Variants in DCC observed in about 807,000 individuals in gnomAD.
The protein encoded by DCC is DCC netrin 1 receptor.
In DCC, 58 loss-of-function variants were observed where a neutral mutation model predicts 172.5. The ratio of observed to expected loss-of-function variants is 0.34; its 90% CI spans 0.27 to 0.42. DCC has a LOEUF of 0.42. Among genes scored for constraint, DCC ranks in the 10% least tolerant of loss-of-function variants. DCC has a pLI of 1.00. For synonymous variants in DCC, 709 were observed against 644.5 expected (o/e 1.10, Z -1.52); for missense variants, 1,740 against 1,791.0 (o/e 0.97, Z 0.51).
chr18:52,678,029 G>A (rs188805911), intron 1 of DCC, among the ~76,000 whole-genome samples: 3 of 152,238 alleles, frequency 2.0e-5, no homozygotes, highest in African/African-American at 4.8e-5. Context: ...GTGGAAGTGG[G>A]TATAAACTAC....
At chr18:53,392,680 A>G (rs1419688597) in intron 17 of DCC, among the ~76,000 whole-genome samples, 1 of 152,242 alleles carries the variant, frequency 6.6e-6, no homozygotes, top group Non-Finnish European at 1.5e-5. Context: ...GAGAAGATCA[A>G]CAAGTAGTTG....
intron 4 of DCC, among the ~76,000 whole-genome samples, chr18:52,924,927 C>T (rs757144538): frequency 3.3e-5 from 5 of 151,892 alleles, no homozygotes; most frequent in Non-Finnish European, 7.4e-5. Context: ...CTCTAGACCT[C>T]GAGGTTCTCA....
chr18:52,971,293 T>A (rs1424605225), intron 5 of DCC, among the ~76,000 whole-genome samples: 2 of 152,086 alleles, frequency 1.3e-5, no homozygotes, highest in Non-Finnish European at 2.9e-5. Flanking sequence ...CTGCTACCAA[T>A]TGAACATTAT....
intron 13 of DCC, among the ~76,000 whole-genome samples, chr18:53,312,678 A>G (rs1023162300): frequency 5.4e-5 from 8 of 148,552 alleles, no homozygotes; most frequent in Middle Eastern, 3.5e-3. Context: ...GCGTCGTGGC[A>G]GGCGCCTGTA....
At chr18:53,446,664 A>G (rs1290798103) in intron 22 of DCC, among the ~76,000 whole-genome samples, 2 of 152,172 alleles carry the variant, frequency 1.3e-5, no homozygotes, top group Non-Finnish European at 2.9e-5. Flanking sequence ...CCCCAAATCA[A>G]TACTCACAGT....
intron 7 of DCC, among the ~76,000 whole-genome samples, chr18:53,098,728 C>A (rs995583485): frequency 1.5e-4 from 23 of 152,114 alleles, no homozygotes; most frequent in African/African-American, 5.6e-4. Flanking sequence ...TGTTTTCTGG[C>A]TGGGAACAGT....
chr18:52,728,637 A>C (rs2036589817), intron 1 of DCC, among the ~76,000 whole-genome samples: 2 of 152,172 alleles, frequency 1.3e-5, no homozygotes, highest in South Asian at 4.1e-4. Flanking sequence ...AGGTCATCTG[A>C]GTCTCTGGAT....
chr18:52,906,389 T>C, intron 3 of DCC, 61 bp downstream of exon 3: 1 of 1,551,842 alleles, frequency 6.4e-7, no homozygotes, highest in Non-Finnish European at 8.9e-7. Context: ...TGAAAAACAA[T>C]TTTTTTCTTT....
intron 2 of DCC, among the ~76,000 whole-genome samples, chr18:52,806,188 T>A (rs12967177): frequency 0.58 from 87,967 of 152,044 alleles, 28,958 homozygotes; most frequent in East Asian, 0.86. Context: ...TAGAGCAGTT[T>A]TTGGTTCACT....
intron 1 of DCC, among the ~76,000 whole-genome samples, chr18:52,469,020 A>G (rs1471108284): frequency 6.8e-6 from 1 of 146,252 alleles, no homozygotes; most frequent in East Asian, 2.0e-4. Flanking sequence ...CATCAGTGGA[A>G]AACAATTTTG....
intron 12 of DCC, among the ~76,000 whole-genome samples, chr18:53,262,923 A>G (rs570883371): frequency 1.3e-5 from 2 of 152,344 alleles, no homozygotes; most frequent in South Asian, 2.1e-4. Context: ...CATTAAAAAT[A>G]TTAGTGATTT....
intron 20 of DCC, among the ~76,000 whole-genome samples, chr18:53,412,327 T>A (rs1317247321): frequency 6.6e-6 from 1 of 152,184 alleles, no homozygotes; most frequent in Non-Finnish European, 1.5e-5. Flanking sequence ...TTTTTGATCA[T>A]TTAAAATTAC....
rs897019073 is a variant in DCC, at chr18:53,175,666, T to A, written c.1419-3296T>A. Among the ~76,000 whole-genome samples the A allele has an allele frequency of 4.6e-5, 7 of 151,980 alleles. No homozygotes were observed. In the South Asian group the frequency reaches 1.3e-3, roughly 27 times the overall value. ...AGGAGAACTACAAACCACTGCTCAA[T>A]GAAATCAAAGAGGATACAAACAAAT... On this transcript the variant is annotated intron_variant, in intron 8 of 28. Transcript: ENST00000442544.
intron 2 of DCC, among the ~76,000 whole-genome samples, chr18:52,788,359 C>A (rs184323195): frequency 3.9e-4 from 59 of 152,212 alleles, no homozygotes; most frequent in African/African-American, 1.4e-3. Context: ...AGGTGTGGAG[C>A]CTAGGAACCA....
intron 1 of DCC, among the ~76,000 whole-genome samples, chr18:52,652,451 T>G (rs1334094398): frequency 6.6e-6 from 1 of 152,180 alleles, no homozygotes; most frequent in Non-Finnish European, 1.5e-5. Context: ...GTCATTGGAA[T>G]TCCTTCAATA....
At chr18:53,320,492 TCC>T (rs2057398611) in intron 13 of DCC, among the ~76,000 whole-genome samples, 1 of 152,194 alleles carries the variant, frequency 6.6e-6, no homozygotes, top group African/African-American at 2.4e-5. Context: ...TTTTTTAATT[TCC>T]CAGAAAATCT....
intron 2 of DCC, among the ~76,000 whole-genome samples, chr18:52,856,499 A>G (rs1165983062): frequency 6.6e-6 from 1 of 151,636 alleles, no homozygotes; most frequent in Non-Finnish European, 1.5e-5. Context: ...GGTGGCGGGC[A>G]CCTGTAGTTC....
chr18:53,439,769 C>CTTTTTTCTTT lies in DCC; in HGVS notation c.3229+4566_3229+4567insCTTTTTTTTT, dbSNP rs1555672135. On this transcript the variant is annotated intron_variant, in intron 22 of 28. Coordinates refer to ENST00000442544, the MANE Select transcript of DCC (RefSeq NM_005215.4). Reference sequence around the variant, plus strand: ...TATGTGGTGATGTAGTAGTATTTTTCTTTTTTTTTTTTTGAGACGGAGTCT... The same window carrying CTTTTTTCTTT: ...TATGTGGTGATGTAGTAGTATTTTTCTTTTTTCTTTTTTTTTTTTTTTTGAGACGGAGTCT... Among the ~76,000 whole-genome samples, 10 of 127,250 alleles carry CTTTTTTCTTT rather than the reference C, an allele frequency of 7.9e-5. 1 individual carries two copies. The highest frequency in any genetic ancestry group is 2.7e-4 in the African/African-American group (10 of 37,534). The allele number at this position is 127,250 out of a possible 152,430, so 83.5% of individuals were successfully genotyped here.
intron 5 of DCC, among the ~76,000 whole-genome samples, chr18:52,939,615 C>A (rs778987132): frequency 6.6e-6 from 1 of 152,178 alleles, no homozygotes; most frequent in African/African-American, 2.4e-5. Flanking sequence ...GCACTTTGCA[C>A]AATGCCTTGA....
Sources: gnomAD v4.1 joint callset for allele counts (sites outside exome capture counted in the v4.1 genomes callset) on GRCh38, gnomAD v4.1.1 for gene constraint, MANE v1.5 for transcripts, NCBI Gene and HGNC (gene_info 2026-07-23, HGNC 2026-07-21) for gene names.